SAAL1: variants seen among roughly 807,000 people sequenced by gnomAD.
The protein encoded by SAAL1 is protein SAAL1.
A neutral mutation model predicts 59.8 loss-of-function variants in SAAL1; 42 were observed. The ratio of observed to expected loss-of-function variants is 0.70; its 90% confidence interval spans 0.55 to 0.91. The LOEUF is 0.91. SAAL1 is among the 40% of genes least tolerant of loss of function. The probability of loss-of-function intolerance (pLI) is 0.00; values close to 1 mark genes in which losing one functional copy is unlikely to be tolerated. For synonymous variants in SAAL1, 191 were observed against 194.3 expected (o/e 0.98, Z 0.14); for missense variants, 542 against 561.1 (o/e 0.97, Z 0.34).
Position 18,080,491 on chromosome 11 carries a change from C to T in SAAL1, c.1333G>A (p.Val445Met), listed in dbSNP as rs749482821. ...CGTAGGATTTTAATAAAATCTTCCA[C>T]CTGTGAGTCAAACAAACAAACAAAA... ...QNLLPFYSPV[V>M]EDFIKILREV... is the part of the protein sequence containing the mutation. The change falls in exon 12 of 12, where the codon GTG (valine) becomes ATG (methionine). Residue 445 changes from valine to methionine, a missense_variant and splice_region_variant. By Grantham distance (21) the Val-to-Met change is conservative. Coordinates refer to ENST00000524803, the MANE Select transcript of SAAL1 (RefSeq NM_138421.3). 6.4e-7 allele frequency: 1 copy of T among 1,574,454 alleles called. No individual in the cohort carries two copies. The highest frequency in any genetic ancestry group is 8.6e-7 in the Non-Finnish European group (1 of 1,166,968).
At chr11:18,094,117 G>T (rs1206637358) in intron 3 of SAAL1, among the ~76,000 whole-genome samples, 1 of 152,096 alleles carries the variant, frequency 6.6e-6, no homozygotes, top group Non-Finnish European at 1.5e-5. Flanking sequence ...TTCCAGGGTA[G>T]AGCCTGGAAA....
chr11:18,105,096 C>A (rs910138588), intron 1 of SAAL1, among the ~76,000 whole-genome samples: 1 of 151,870 alleles, frequency 6.6e-6, no homozygotes, highest in Non-Finnish European at 1.5e-5. Context: ...TATTATAATC[C>A]CATTTTATAG....
In SAAL1 at chr11:18,090,186, C is replaced by T; in HGVS notation, c.578G>A (p.Ser193Asn). The change falls in exon 6 of 12, where the codon AGT (serine) becomes AAT (asparagine). Residue 193 changes from serine (S) to asparagine (N), a missense_variant. By Grantham distance (46) the Ser-to-Asn change is conservative. Coordinates refer to ENST00000524803, the MANE Select transcript of SAAL1 (RefSeq NM_138421.3). ...IYDSICFIMS[S>N]STNVDLLVKV... ...ACATGATGACTTACCATTTGTTGAA[C>T]TTGACATAATGAAGCAAATGCTATC... The T allele has an allele frequency of 3.1e-6, 5 of 1,591,608 alleles. No individual in the cohort carries two copies. The highest frequency in any genetic ancestry group is 4.3e-6 in the Non-Finnish European group (5 of 1,173,502).
chr11:18,087,415 AT>A (rs1430577836), intron 7 of SAAL1, among the ~76,000 whole-genome samples, 190 bp from the exon 8 acceptor site: 1 of 152,224 alleles, frequency 6.6e-6, no homozygotes, highest in African/African-American at 2.4e-5. Context: ...ACAGCAAAAA[AT>A]AAACAAATAT....
rs543678092 is a variant in SAAL1 at position 18,095,619 on chromosome 11, T to C, written c.333+1152A>G. Among the ~76,000 whole-genome samples, 8 of 152,354 alleles carry C rather than the reference T, an allele frequency of 5.3e-5. No individual in the cohort carries two copies. In the South Asian group the frequency reaches 8.3e-4, roughly 16 times the overall value. ...CCCAAGATTTAGTTCTTTGAAAGTATACCTCATAGTAGTAAGACCAGGTAT... is the reference window on the plus strand; with the variant it reads ...CCCAAGATTTAGTTCTTTGAAAGTACACCTCATAGTAGTAAGACCAGGTAT... On this transcript the variant is annotated intron_variant, in intron 3 of 11. Coordinates refer to ENST00000524803, the MANE Select transcript of SAAL1 (RefSeq NM_138421.3).
chr11:18,094,553 C>T (rs762577765), intron 3 of SAAL1, among the ~76,000 whole-genome samples: 8 of 151,972 alleles, frequency 5.3e-5, no homozygotes, highest in Non-Finnish European at 1.2e-4. Flanking sequence ...GGCAGAGTTG[C>T]AACTTAAAGG....
rs1242862195 is a variant in SAAL1 at position 18,096,786 on chromosome 11, C to T, written c.318G>A (p.Lys106=). 1.3e-6 allele frequency: 2 copies of T among 1,565,434 alleles called. No individual in the cohort carries two copies. Among genetic ancestry groups the T allele is most frequent in the Non-Finnish European group, 1.8e-6 (2 of 1,137,768 alleles). ...ACATACTTACTCTTAATCGAGGACA[C>T]TTGGACTTGGCCAGTACTCCCATGA... ...DIFMGVLAKS[K]CPRLREICVG... Residue 106 remains lysine (K), a synonymous_variant, in exon 3 of 12, where the codon AAG becomes AAA. Coordinates refer to ENST00000524803, the MANE Select transcript of SAAL1 (RefSeq NM_138421.3).
At chr11:18,105,824 C>G in intron 1 of SAAL1, 83 bp downstream of exon 1, 4 of 1,438,396 alleles carry the variant, frequency 2.8e-6, no homozygotes, top group Non-Finnish European at 2.7e-6. Context: ...TGGCGGCTCC[C>G]GGGGCAGGAG....
intron 3 of SAAL1, among the ~76,000 whole-genome samples, chr11:18,095,998 A>G (rs571260557): frequency 6.2e-4 from 94 of 152,362 alleles, no homozygotes; most frequent in African/African-American, 2.2e-3. Flanking sequence ...TCCAGATTTT[A>G]TGCTGGAAAG....
chr11:18,088,032 A>G (rs1191637969), intron 7 of SAAL1, among the ~76,000 whole-genome samples: 5 of 152,174 alleles, frequency 3.3e-5, no homozygotes, highest in Non-Finnish European at 7.3e-5. Context: ...AAGAAAAATG[A>G]TGTTTACACA....
At position 18,086,920 on chromosome 11, in the gene SAAL1, A is replaced by G; in HGVS notation, c.988T>C (p.Leu330=). The change falls in exon 9 of 12, where the codon TTG becomes CTG. Residue 330 remains leucine, a synonymous_variant. Transcript: ENST00000524803. ...KTVLASVFSV[L]SAIYASQTEQ... ...GTCTGTGAGGCATAGATGGCAGACA[A>G]CACTGAAAAAACAGAGGCTAGCACT... The G allele has an allele frequency of 1.2e-6, 2 of 1,614,144 alleles. No homozygotes were observed. The highest frequency in any genetic ancestry group is 8.5e-7 in the Non-Finnish European group (1 of 1,179,968).
chr11:18,103,387 C>A, intron 1 of SAAL1, 41 bp from the exon 2 acceptor site: 1 of 1,405,512 alleles, frequency 7.1e-7, no homozygotes, highest in Non-Finnish European at 1.0e-6. Context: ...TAAAAGTTGT[C>A]TACAATACTA....
intron 2 of SAAL1, among the ~76,000 whole-genome samples, chr11:18,100,178 C>A (rs1848620533): frequency 6.6e-6 from 1 of 152,194 alleles, no homozygotes; most frequent in Non-Finnish European, 1.5e-5. Flanking sequence ...TAGATCTGAA[C>A]AATACTCTCA....
chr11:18,081,182 C>T (rs7104856), intron 11 of SAAL1, among the ~76,000 whole-genome samples: 69,764 of 151,914 alleles, frequency 0.46, 17,616 homozygotes, highest in African/African-American at 0.67. Flanking sequence ...GTGTCTACTG[C>T]TCCCATTTGT....
chr11:18,101,754 C>T (rs1223590172), intron 2 of SAAL1, among the ~76,000 whole-genome samples: 2 of 151,418 alleles, frequency 1.3e-5, no homozygotes, highest in African/African-American at 4.9e-5. Context: ...TTAAACAACT[C>T]CAACATTCAT....
intron 3 of SAAL1, among the ~76,000 whole-genome samples, chr11:18,092,678 G>A (rs767512766): frequency 7.2e-5 from 11 of 152,212 alleles, no homozygotes; most frequent in South Asian, 2.1e-4. Context: ...TGTACATGGC[G>A]AATACTGTAG....
At chr11:18,091,113 G>A (rs1848519558) in intron 4 of SAAL1, among the ~76,000 whole-genome samples, 1 of 152,022 alleles carries the variant, frequency 6.6e-6, no homozygotes, top group African/African-American at 2.4e-5. Flanking sequence ...TTCCAATTTG[G>A]GGCTATTTCA....
chr11:18,095,522 C>T (rs1047895762), intron 3 of SAAL1, among the ~76,000 whole-genome samples: 1 of 152,190 alleles, frequency 6.6e-6, no homozygotes. Context: ...AGTGGTTATA[C>T]TGAAGTCAGG....
chr11:18,094,854 G>T (rs1045306048), intron 3 of SAAL1, among the ~76,000 whole-genome samples: 1 of 152,122 alleles, frequency 6.6e-6, no homozygotes. Context: ...ACTAAAGAGG[G>T]AATAACTGAA....
Sources: gnomAD v4.1 joint callset for allele counts (sites outside exome capture counted in the v4.1 genomes callset) on GRCh38, gnomAD v4.1.1 for gene constraint, MANE v1.5 for transcripts, NCBI Gene and HGNC (gene_info 2026-07-23, HGNC 2026-07-21) for gene names.